Variants in ADGRB3 observed in about 807,000 individuals in gnomAD.
ADGRB3 encodes the protein adhesion G protein-coupled receptor B3, also known as brain-specific angiogenesis inhibitor 3.
A neutral mutation model predicts 193.4 loss-of-function variants in ADGRB3; 37 were observed. The ratio of observed to expected loss-of-function variants is 0.19; its 90% confidence interval spans 0.15 to 0.25. The LOEUF (loss-of-function observed/expected upper bound fraction) is 0.25, where lower values mean the gene tolerates loss of function less well. Ranked by LOEUF, ADGRB3 falls within the 10% of genes least tolerant of loss-of-function variation. The probability of loss-of-function intolerance (pLI) is 1.00; values close to 1 mark genes in which losing one functional copy is unlikely to be tolerated. For synonymous variants in ADGRB3, 690 were observed against 644.2 expected, an observed-to-expected ratio of 1.07 and a Z score of -1.08; for missense variants, 1,637 against 1,852.9, an observed-to-expected ratio of 0.88 and a Z score of 2.14.
chr6:69,039,748 T>TC (rs1464733158), intron 13 of ADGRB3, among the ~76,000 whole-genome samples: 13 of 149,634 alleles, frequency 8.7e-5, no homozygotes, highest in Admixed American at 7.3e-4. Flanking sequence ...TTTTCTTTTT[T>TC]TTTTTTTTTT....
chr6:68,859,413 A>C (rs1423845286), intron 3 of ADGRB3, among the ~76,000 whole-genome samples: 4 of 152,134 alleles, frequency 2.6e-5, no homozygotes, highest in Non-Finnish European at 4.4e-5. Context: ...TCTTTTCAGC[A>C]ACACCCCACT....
At chr6:69,327,656 T>G (rs1193889124) in intron 21 of ADGRB3, among the ~76,000 whole-genome samples, 164 bp from the exon 22 acceptor site, 1 of 152,200 alleles carries the variant, frequency 6.6e-6, no homozygotes, top group Non-Finnish European at 1.5e-5. Context: ...TCTCATATTT[T>G]TCAACTTGAA....
chr6:68,741,744 A>C (rs1765987119), intron 3 of ADGRB3, among the ~76,000 whole-genome samples: 2 of 152,198 alleles, frequency 1.3e-5, no homozygotes, highest in South Asian at 4.1e-4. Context: ...AGAGTAATCT[A>C]ATATCAAACT....
At chr6:69,091,565 C>T (rs1374175891) in intron 17 of ADGRB3, among the ~76,000 whole-genome samples, 1 of 152,162 alleles carries the variant, frequency 6.6e-6, no homozygotes, top group South Asian at 2.1e-4. Flanking sequence ...CACAGGTTCT[C>T]ACTTCTAAGT....
At chr6:68,708,438 T>G (rs1204995586) in intron 3 of ADGRB3, among the ~76,000 whole-genome samples, 1 of 152,162 alleles carries the variant, frequency 6.6e-6, no homozygotes, top group African/African-American at 2.4e-5. Flanking sequence ...GACTTAGCCT[T>G]CTTTGAAAGC....
At chr6:69,331,618 T>C in intron 23 of ADGRB3, 1 of 985,394 alleles carries the variant, frequency 1.0e-6, no homozygotes, top group Non-Finnish European at 1.2e-6. Context: ...GCAAGAATCT[T>C]AGTGCAAAGG....
At chr6:68,702,690 T>G (rs1218066272) in intron 3 of ADGRB3, among the ~76,000 whole-genome samples, 1 of 152,068 alleles carries the variant, frequency 6.6e-6, no homozygotes, top group Non-Finnish European at 1.5e-5. Flanking sequence ...CCCCCTAATA[T>G]TTCAGTTCTA....
intron 17 of ADGRB3, among the ~76,000 whole-genome samples, chr6:69,219,461 G>GTATATATATATATATATATATATATATA (rs3839475): frequency 3.0e-5 from 3 of 98,946 alleles, no homozygotes; most frequent in Non-Finnish European, 4.5e-5. Flanking sequence ...ACACACACAC[G>GTATATATATATATATATATATATATATA]TATATATATA....
intron 5 of ADGRB3, among the ~76,000 whole-genome samples, chr6:68,937,791 GT>G (rs953706358): frequency 6.6e-6 from 1 of 152,148 alleles, no homozygotes; most frequent in African/African-American, 2.4e-5. Context: ...TGAGAGAGTT[GT>G]TAATGGGTGT....
intron 20 of ADGRB3, among the ~76,000 whole-genome samples, chr6:69,263,914 C>A (rs530958224): frequency 3.6e-4 from 54 of 152,026 alleles, no homozygotes; most frequent in African/African-American, 1.3e-3. Context: ...AGTTATTTAA[C>A]CCTCAGGTAA....
At chr6:69,104,165 T>C (rs1773144582) in intron 17 of ADGRB3, among the ~76,000 whole-genome samples, 1 of 150,684 alleles carries the variant, frequency 6.6e-6, no homozygotes, top group Non-Finnish European at 1.5e-5. Context: ...TAGGTGTATC[T>C]CCCAATGCTA....
At chr6:68,874,451 G>C (rs964132632) in intron 3 of ADGRB3, among the ~76,000 whole-genome samples, 6 of 151,984 alleles carry the variant, frequency 3.9e-5, no homozygotes, top group African/African-American at 7.2e-5. Flanking sequence ...TTATCAAAGG[G>C]CATTTAGTGT....
intron 17 of ADGRB3, among the ~76,000 whole-genome samples, chr6:69,145,144 A>C (rs1335208579): frequency 2.0e-5 from 3 of 152,042 alleles, no homozygotes; most frequent in African/African-American, 4.8e-5. Context: ...ACTCAGCCTG[A>C]CAAGCATACT....
intron 3 of ADGRB3, among the ~76,000 whole-genome samples, chr6:68,835,523 C>T (rs188834706): frequency 1.3e-5 from 2 of 152,184 alleles, no homozygotes; most frequent in East Asian, 1.9e-4. Flanking sequence ...AACTAAGTTA[C>T]ACCCCAAACT....
intron 8 of ADGRB3, among the ~76,000 whole-genome samples, chr6:68,957,710 T>G (rs2150257263): frequency 6.6e-6 from 1 of 152,274 alleles, no homozygotes; most frequent in Admixed American, 6.5e-5. Flanking sequence ...TGCTATGAAT[T>G]TCTGCCTTTA....
chr6:68,943,777 C>T, intron 5 of ADGRB3, 53 bp from the exon 6 acceptor site: 4 of 1,434,220 alleles, frequency 2.8e-6, no homozygotes, highest in East Asian at 4.7e-5. Context: ...AGAAAATGAT[C>T]TTTGATTTTA....
At chr6:68,848,540 T>A (rs1768334100) in intron 3 of ADGRB3, among the ~76,000 whole-genome samples, 1 of 152,058 alleles carries the variant, frequency 6.6e-6, no homozygotes, top group South Asian at 2.1e-4. Flanking sequence ...AAACTAGCTT[T>A]TGGGTGTTCT....
intron 13 of ADGRB3, among the ~76,000 whole-genome samples, chr6:69,041,941 C>T (rs554784429): frequency 6.6e-6 from 1 of 152,112 alleles, no homozygotes; most frequent in Non-Finnish European, 1.5e-5. Context: ...ATGTTCCCAC[C>T]CAAATCTCAT....
rs906111973 is a variant in ADGRB3 at position 69,283,097 on chromosome 6, G to A, written c.2815-41775G>A. 4.6e-5 allele frequency among the ~76,000 whole-genome samples: 7 copies of A among 152,338 alleles called. No homozygotes were observed. The South Asian group carries it at 8.3e-4, about 18-fold the overall frequency. On this transcript the variant is annotated intron_variant, in intron 20 of 31. Transcript: ENST00000370598. ...GTGAGCAGTCCAGTGGCTGCTCCAAGCTCAGGATGTCAGAAGTGGAATAAA... is the reference window on the plus strand; with the variant it reads ...GTGAGCAGTCCAGTGGCTGCTCCAAACTCAGGATGTCAGAAGTGGAATAAA...
Sources: gnomAD v4.1 joint callset for allele counts (sites outside exome capture counted in the v4.1 genomes callset) on GRCh38, gnomAD v4.1.1 for gene constraint, MANE v1.5 for transcripts, NCBI Gene and HGNC (gene_info 2026-07-23, HGNC 2026-07-21) for gene names.